Variants in PFKFB1 observed in about 807,000 individuals in gnomAD.
PFKFB1 encodes the protein 6-phosphofructo-2-kinase/fructose-2,6-biphosphatase 1.
A neutral mutation model predicts 46.4 loss-of-function variants in PFKFB1; 34 were observed. The observed-to-expected ratio is 0.73, with a 90% CI of 0.56 to 0.98. PFKFB1 has a LOEUF of 0.98. Ranked by LOEUF, PFKFB1 falls within the 50% of genes least tolerant of loss-of-function variation. The probability of loss-of-function intolerance (pLI) is 0.00; values close to 1 mark genes in which losing one functional copy is unlikely to be tolerated. For missense variants in PFKFB1, 393 were observed against 376.3 expected (o/e 1.04, Z -0.37); for synonymous variants, 119 against 133.8 (o/e 0.89, Z 0.76).
At chrX:54,958,425 G>A in intron 5 of PFKFB1, 63 bp from the exon 6 acceptor site, 1 of 689,622 alleles carries the variant, frequency 1.5e-6, no homozygotes, top group Non-Finnish European at 2.3e-6. Context: ...GCTGAACATA[G>A]CTTTACTCCT....
At chrX:54,953,017 T>C (rs138275497) in intron 7 of PFKFB1, among the ~76,000 whole-genome samples, 1,653 of 111,743 alleles carry the variant, frequency 0.015, 39 homozygotes, top group African/African-American at 0.052. Flanking sequence ...ATATTTAAAC[T>C]GTTCAACCAC....
chrX:54,940,090 T>C (rs201125511), intron 10 of PFKFB1, among the ~76,000 whole-genome samples: 1 of 111,701 alleles, frequency 9.0e-6, no homozygotes, highest in African/African-American at 3.3e-5. Context: ...GTTCAACATA[T>C]GCAAATCAAT....
At chrX:54,979,534 C>T (rs1018245021) in intron 1 of PFKFB1, among the ~76,000 whole-genome samples, 1 of 111,467 alleles carries the variant, frequency 9.0e-6, no homozygotes, top group Non-Finnish European at 1.9e-5. Context: ...TAAAGCATGG[C>T]TGAGCTGGTG....
intron 1 of PFKFB1, among the ~76,000 whole-genome samples, chrX:54,977,507 G>A (rs1934872367): frequency 9.0e-6 from 1 of 111,473 alleles, no homozygotes; most frequent in Admixed American, 9.5e-5. Context: ...TAGTAAACAA[G>A]GGAGAAGGTC....
rs760783149 is a variant in PFKFB1 at position 54,969,104 on chromosome X, A to G, written c.98-5722T>C. The stretch of plus-strand genomic sequence containing the variant: ...CAAAGCAATCCATTCTAAAGATGTA[A>G]AACCCCATGGTATGGTTTGAATACA... On this transcript the variant is annotated intron_variant, in intron 1 of 13. Transcript: ENST00000375006. 2.7e-5 allele frequency among the ~76,000 whole-genome samples: 3 copies of G among 111,746 alleles called. No individual in the cohort carries two copies. In the South Asian group the frequency reaches 1.1e-3, roughly 42 times the overall value.
intron 1 of PFKFB1, among the ~76,000 whole-genome samples, chrX:54,982,005 C>T (rs1311677446): frequency 9.0e-6 from 1 of 111,635 alleles, no homozygotes; most frequent in Admixed American, 9.5e-5. Context: ...CAACTTTACA[C>T]TTGTAAATTT....
At chrX:54,969,434 G>A (rs1043379025) in intron 1 of PFKFB1, among the ~76,000 whole-genome samples, 3 of 111,601 alleles carry the variant, frequency 2.7e-5, no homozygotes, top group Non-Finnish European at 5.6e-5. Flanking sequence ...ATGTGGCCAC[G>A]TGATCTTGGA....
chrX:54,935,654 T>C (rs151161842), intron 11 of PFKFB1, among the ~76,000 whole-genome samples: 2,150 of 112,096 alleles, frequency 0.019, 50 homozygotes, highest in African/African-American at 0.067. Context: ...AACTGAGGCC[T>C]TGAGAGGGAA....
intron 9 of PFKFB1, among the ~76,000 whole-genome samples, chrX:54,948,269 C>T (rs1309854156): frequency 9.0e-6 from 1 of 111,646 alleles, no homozygotes; most frequent in Admixed American, 9.5e-5. Flanking sequence ...CATTCCATCT[C>T]CGATGCCACT....
At chrX:54,980,194 C>T (rs1156859856) in intron 1 of PFKFB1, among the ~76,000 whole-genome samples, 1 of 111,120 alleles carries the variant, frequency 9.0e-6, no homozygotes, top group Non-Finnish European at 1.9e-5. Context: ...TGATCTCTGA[C>T]CCACAGAAAC....
chrX:54,959,058 A>G, intron 4 of PFKFB1, 133 bp from the exon 5 acceptor site: 1 of 470,285 alleles, frequency 2.1e-6, no homozygotes, highest in Non-Finnish European at 3.8e-6. Flanking sequence ...AAGGATAGGA[A>G]GGATTCATGA....
intron 10 of PFKFB1, among the ~76,000 whole-genome samples, chrX:54,941,804 A>C (rs1463240094): frequency 8.9e-6 from 1 of 112,198 alleles, no homozygotes; most frequent in East Asian, 2.8e-4. Context: ...GGGACTGGAA[A>C]CTAGTTCAAC....
intron 2 of PFKFB1, among the ~76,000 whole-genome samples, chrX:54,961,782 A>G (rs758869768): frequency 2.3e-4 from 26 of 112,278 alleles, no homozygotes; most frequent in Admixed American, 7.5e-4. Flanking sequence ...ACTTGGAATG[A>G]TCTGAGAAGG....
At chrX:54,937,524 A>G (rs1447268363) in intron 11 of PFKFB1, 71 bp downstream of exon 11, 6 of 964,458 alleles carry the variant, frequency 6.2e-6, no homozygotes, top group African/African-American at 5.7e-5. Flanking sequence ...ACTAAGATAT[A>G]GATATCTAAT....
At chrX:54,972,831 A>G (rs1602212860) in intron 1 of PFKFB1, among the ~76,000 whole-genome samples, 1 of 111,435 alleles carries the variant, frequency 9.0e-6, no homozygotes, top group East Asian at 2.8e-4. Flanking sequence ...CGGCTTTGGT[A>G]TCAGGATGAT....
rs1326660853 is a variant in PFKFB1 at position 54,945,713 on chromosome X, TGTGTGTGC to T, written c.994-178_994-171del. Among the ~76,000 whole-genome samples the T allele has an allele frequency of 1.3e-4, 14 of 105,143 alleles. No individual in the cohort carries two copies. The East Asian group carries it at 3.9e-3, about 29-fold the overall frequency. The allele number at this position is 105,143 out of a possible 115,157, so 91.3% of individuals were successfully genotyped here. A position where few individuals can be genotyped will look rare whatever the true frequency, so the allele number is the denominator to read the frequency against. ...ATAAGTGTGTATGCGTGTGTGTGTG[TGTGTGTGC>T]GTGTGTGTGTGTGTGTGTGTGTGAG... On this transcript the variant is annotated intron_variant, in intron 9 of 13. Transcript: ENST00000375006.
chrX:54,960,911 T>C lies in PFKFB1; in HGVS notation c.230A>G (p.Asn77Ser). 2 of 1,171,275 alleles carry C rather than the reference T, an allele frequency of 1.7e-6. No individual in the cohort carries two copies. Among genetic ancestry groups the C allele is most frequent in the Non-Finnish European group, 2.3e-6 (2 of 862,975 alleles). Residue 77 changes from asparagine to serine, a missense_variant, in exon 3 of 14, where the codon AAT (asparagine) becomes AGT (serine). Transcript: ENST00000375006. ...TGCCTCTCGTCGATACTGGCCTAAA[T>C]TAAACACTGAAAGCAGGGAGTGCCA... ...NWIGTPTKVF[N>S]LGQYRREAVS...
At position 54,934,825 on chromosome X, in the gene PFKFB1, A is replaced by G. The variant is rs1933331474; in HGVS notation, c.1291+122T>C. 1.6e-5 allele frequency: 8 copies of G among 512,452 alleles called. No homozygotes were observed. In the South Asian group the frequency reaches 2.2e-4, roughly 14 times the overall value. The allele number at this position is 512,452 out of a possible 1,213,427, so 42.2% of individuals were successfully genotyped here. On this transcript the variant is annotated intron_variant, in intron 12 of 13. Coordinates refer to ENST00000375006, the MANE Select transcript of PFKFB1 (RefSeq NM_002625.4). Reference sequence around the variant, plus strand: ...CCCACCCCCACCACCCACTAAGGGAACCTCCTGCAGGACACCCACCCAGGA... The same window carrying G: ...CCCACCCCCACCACCCACTAAGGGAGCCTCCTGCAGGACACCCACCCAGGA...
At chrX:54,998,542 G>A, upstream of PFKFB1, 2 of 611,722 alleles carry the variant, frequency 3.3e-6, no homozygotes, top group East Asian at 3.6e-5. Context: ...CCCTGAGAAG[G>A]CTGAGGACGT....
Sources: allele counts gnomAD v4.1 joint callset (sites outside exome capture counted in the v4.1 genomes callset), GRCh38; gene constraint gnomAD v4.1.1; transcripts MANE v1.5; gene names NCBI Gene and HGNC (gene_info 2026-07-23, HGNC 2026-07-21).